The following PEMT variants were observed in gnomAD, a reference collection of about 807,000 sequenced individuals.
The protein encoded by PEMT is phosphatidylethanolamine N-methyltransferase.
A neutral mutation model predicts 27.4 loss-of-function variants in PEMT; 23 were observed. The observed-to-expected ratio is 0.84, with a 90% CI of 0.60 to 1.19. The LOEUF is 1.19. Ranked by LOEUF, PEMT falls within the 50% of genes most tolerant of loss-of-function variation. The pLI is 0.00. For missense variants in PEMT, 307 were observed against 310.1 expected, an observed-to-expected ratio of 0.99 and a Z score of 0.07; for synonymous variants, 137 against 139.1, an observed-to-expected ratio of 0.98 and a Z score of 0.11.
intron 6 of PEMT, 77 bp from the exon 7 acceptor site, chr17:17,505,925 A>T: frequency 6.6e-7 from 1 of 1,508,910 alleles, no homozygotes. Flanking sequence ...CTCTGCGTCC[A>T]TCAGCTTGAG....
In PEMT at chr17:17,506,258, G is replaced by A. The variant is rs765530757; in HGVS notation, c.622C>T (p.Leu208Phe). 4 of 1,584,986 alleles carry A rather than the reference G, an allele frequency of 2.5e-6. No homozygotes were observed. The Admixed American group carries it at 5.3e-5, about 21-fold the overall frequency. The part of the protein sequence containing the change: ...TGLLLTVLVA[L>F]TYIVALLYEE... ...TATAGGAGAGCCACTATGTAGGTGAGGGCCACCAGCACCGTCAGGAGCAGG... is the reference window on the plus strand; with the variant it reads ...TATAGGAGAGCCACTATGTAGGTGAAGGCCACCAGCACCGTCAGGAGCAGG... The change falls in exon 6 of 7, where the codon CTC becomes TTC. Residue 208 changes from leucine (L) to phenylalanine (F), a missense_variant. By Grantham distance (22) the Leu-to-Phe change is conservative (BLOSUM62 0). Transcript: ENST00000255389.
rs193274565 is a variant in PEMT, at chr17:17,588,364, T to C, written c.96+3167A>G. Among the ~76,000 whole-genome samples the C allele has an allele frequency of 1.2e-4, 18 of 152,284 alleles. No individual in the cohort carries two copies. In the East Asian group the frequency reaches 3.5e-3, roughly 29 times the overall value. On this transcript the variant is annotated intron_variant, in intron 1 of 6. Coordinates refer to ENST00000255389, the MANE Select transcript of PEMT (RefSeq NM_148172.3). ...CAGTCAAGATACCCCGCATCGGCCA[T>C]CGGAGCTTTGCCTCCAGGGTCTTAC...
chr17:17,547,954 T>C (rs979834617), intron 2 of PEMT, among the ~76,000 whole-genome samples: 2 of 151,574 alleles, frequency 1.3e-5, no homozygotes, highest in African/African-American at 2.4e-5. Context: ...AAGAAGAAAA[T>C]TGGAAAACAC....
chr17:17,585,256 T>G (rs973599247), intron 1 of PEMT, among the ~76,000 whole-genome samples: 11 of 152,184 alleles, frequency 7.2e-5, no homozygotes, highest in African/African-American at 2.7e-4. Context: ...GAGAATCGCA[T>G]GAACCTGGGA....
At chr17:17,566,679 A>C (rs1222542789) in intron 2 of PEMT, among the ~76,000 whole-genome samples, 1 of 152,224 alleles carries the variant, frequency 6.6e-6, no homozygotes, top group African/African-American at 2.4e-5. Context: ...GTGCAAAGGC[A>C]CTGAAGTACG....
At chr17:17,536,873 T>C (rs1225608090) in intron 2 of PEMT, among the ~76,000 whole-genome samples, 1 of 152,202 alleles carries the variant, frequency 6.6e-6, no homozygotes, top group African/African-American at 2.4e-5. Flanking sequence ...TGGTTCATGG[T>C]GCTGTCGGGT....
rs1047279748 is a variant in PEMT, at chr17:17,512,451, C to T, written c.466+58G>A. 4.9e-6 allele frequency: 7 copies of T among 1,421,310 alleles called. No individual in the cohort carries two copies. Among genetic ancestry groups the T allele is most frequent in the Non-Finnish European group, 5.6e-6 (6 of 1,073,906 alleles). 88.0% of individuals were successfully genotyped at this position (1,421,310 alleles called of 1,614,324 possible). A position where few individuals can be genotyped will look rare whatever the true frequency, so the allele number is the denominator to read the frequency against. ...GCAGGGCAGCAGCCACCTGGCCCTG[C>T]ACCTCCCTGGGGCTCCAGCGGTCCT... On this transcript the variant is annotated intron_variant, in intron 4 of 6. Transcript: ENST00000255389. The surrounding 1 kb of genome is among the most constrained non-coding windows in gnomAD (Gnocchi z 6.3).
chr17:17,550,467 G>T (rs575181583), intron 2 of PEMT, among the ~76,000 whole-genome samples: 17 of 152,204 alleles, frequency 1.1e-4, no homozygotes, highest in Admixed American at 1.0e-3. Flanking sequence ...GTCTGCTTCA[G>T]GACCCCCCTT....
At chr17:17,563,688 C>T (rs1007919134) in intron 2 of PEMT, among the ~76,000 whole-genome samples, 1 of 152,324 alleles carries the variant, frequency 6.6e-6, no homozygotes, top group East Asian at 1.9e-4. Context: ...CCGCTGTGTG[C>T]CTGGAGCCCG....
At chr17:17,521,734 T>C (rs1318647881) in intron 3 of PEMT, among the ~76,000 whole-genome samples, 1 of 152,014 alleles carries the variant, frequency 6.6e-6, no homozygotes, top group Non-Finnish European at 1.5e-5. Context: ...GCCCGGCTAA[T>C]TTTTGTATTT....
At chr17:17,546,171 C>T (rs1169798548) in intron 2 of PEMT, among the ~76,000 whole-genome samples, 1 of 152,222 alleles carries the variant, frequency 6.6e-6, no homozygotes, top group Non-Finnish European at 1.5e-5. Context: ...GATCCAGTGG[C>T]CTGGGCTAGA....
intron 2 of PEMT, among the ~76,000 whole-genome samples, chr17:17,531,316 T>C (rs1908074814): frequency 6.6e-6 from 1 of 150,722 alleles, no homozygotes; most frequent in African/African-American, 2.5e-5. Flanking sequence ...GCTAGGACAC[T>C]AACGCATTAT....
chr17:17,509,948 C>T (rs540782718), intron 4 of PEMT, among the ~76,000 whole-genome samples: 20 of 152,250 alleles, frequency 1.3e-4, no homozygotes, highest in Admixed American at 2.6e-4. Flanking sequence ...TTATGCAGAC[C>T]CTTCCTCTTC....
intron 2 of PEMT, among the ~76,000 whole-genome samples, chr17:17,545,428 G>C (rs73978971): frequency 1.3e-5 from 2 of 152,164 alleles, no homozygotes; most frequent in African/African-American, 4.8e-5. Flanking sequence ...TACAGGTGCT[G>C]TCAGGCCATG....
intron 3 of PEMT, among the ~76,000 whole-genome samples, chr17:17,518,373 G>C (rs1490242985): frequency 6.6e-6 from 1 of 152,232 alleles, no homozygotes; most frequent in Non-Finnish European, 1.5e-5. Flanking sequence ...GTTCAGCTGT[G>C]CAGGGGGCAG....
At chr17:17,542,995 G>C (rs1356142173) in intron 2 of PEMT, among the ~76,000 whole-genome samples, 1 of 152,232 alleles carries the variant, frequency 6.6e-6, no homozygotes, top group Non-Finnish European at 1.5e-5. Flanking sequence ...TTCCCCCAGA[G>C]CATGGCCTCC....
intron 2 of PEMT, among the ~76,000 whole-genome samples, chr17:17,563,907 A>G (rs1216337017): frequency 6.6e-6 from 1 of 152,046 alleles, no homozygotes; most frequent in Non-Finnish European, 1.5e-5. Flanking sequence ...GGAAGAGGGG[A>G]GTCTCTAGCA....
intron 2 of PEMT, among the ~76,000 whole-genome samples, chr17:17,550,694 C>G (rs921522829): frequency 2.0e-5 from 3 of 152,212 alleles, no homozygotes; most frequent in African/African-American, 7.2e-5. Flanking sequence ...AGTTCAAGGT[C>G]GCAGGTGGCT....
rs536708459 is a variant in PEMT, at chr17:17,505,693, C to A, written c.*98G>T. 2 of 1,374,418 alleles carry A rather than the reference C, an allele frequency of 1.5e-6. No individual in the cohort carries two copies. The highest frequency in any genetic ancestry group is 3.1e-5 in the Admixed American group (1 of 32,308). 85.1% of individuals were successfully genotyped at this position (1,374,418 alleles called of 1,614,324 possible). A position where few individuals can be genotyped will look rare whatever the true frequency, so the allele number is the denominator to read the frequency against. On this transcript the variant is annotated 3_prime_UTR_variant, in exon 7 of 7. Transcript: ENST00000255389. ...TGGGGCAGCCCACGCCGGGGGCGAG[C>A]CCTGAGCAGCAGGCACCATTCTCGC...
Sources: allele counts gnomAD v4.1 joint callset (sites outside exome capture counted in the v4.1 genomes callset), GRCh38; gene constraint gnomAD v4.1.1; non-coding constraint Gnocchi (gnomAD v3.1); transcripts MANE v1.5; gene names NCBI Gene and HGNC (gene_info 2026-07-23, HGNC 2026-07-21).